KCNQ5: variants seen among roughly 807,000 people sequenced by gnomAD.
The protein encoded by KCNQ5 is potassium voltage-gated channel subfamily Q member 5, also known as potassium voltage-gated channel subfamily KQT member 5.
A neutral mutation model predicts 98.2 loss-of-function variants in KCNQ5; 30 were observed. That is an observed-to-expected ratio of 0.31 (90% CI 0.23 to 0.41). KCNQ5 has a LOEUF of 0.41. Among genes scored for constraint, KCNQ5 ranks in the 10% least tolerant of loss-of-function variants. KCNQ5 has a pLI of 1.00. For synonymous variants in KCNQ5, 458 were observed against 449.4 expected (o/e 1.02, Z -0.24); for missense variants, 835 against 1,182.5 (o/e 0.71, Z 4.31).
rs572484907 is a variant in KCNQ5 at position 73,021,964 on chromosome 6, A to T, written c.489+17966A>T. On this transcript the variant is annotated intron_variant, in intron 2 of 13. Transcript: ENST00000370398. ...TACCCTTCTGAGTCTGGGCTAATCA[A>T]TCATTTATGTTATTAAAGCAAATAT... Among the ~76,000 whole-genome samples the T allele has an allele frequency of 6.6e-5, 10 of 152,200 alleles. No homozygotes were observed. In the South Asian group the frequency reaches 2.1e-3, roughly 32 times the overall value.
chr6:73,071,040 A>T (rs1773280251), intron 3 of KCNQ5, among the ~76,000 whole-genome samples: 1 of 152,174 alleles, frequency 6.6e-6, no homozygotes, highest in African/African-American at 2.4e-5. Context: ...TAAAAATGAC[A>T]TGAAATCCAG....
chr6:72,984,254 A>T (rs1318980219), intron 1 of KCNQ5, among the ~76,000 whole-genome samples: 2 of 152,200 alleles, frequency 1.3e-5, no homozygotes, highest in African/African-American at 2.4e-5. Context: ...GCTGTCAGAC[A>T]GGGACGTTTA....
chr6:73,041,826 A>C (rs1227481137), intron 2 of KCNQ5, 110 bp from the exon 3 acceptor site: 1 of 1,199,604 alleles, frequency 8.3e-7, no homozygotes, highest in East Asian at 2.3e-5. Flanking sequence ...AGATATTAAC[A>C]ACTAGATCCT....
At chr6:72,778,852 G>C (rs1773304470) in intron 1 of KCNQ5, among the ~76,000 whole-genome samples, 1 of 152,162 alleles carries the variant, frequency 6.6e-6, no homozygotes, top group African/African-American at 2.4e-5. Context: ...AGTTCAAATA[G>C]TTTTCAAAAC....
intron 1 of KCNQ5, among the ~76,000 whole-genome samples, chr6:72,939,894 A>G (rs1766141452): frequency 6.6e-6 from 1 of 152,232 alleles, no homozygotes. Context: ...AAAAATGGGT[A>G]GAAAGATTAA....
At chr6:72,978,903 C>T (rs1004838810) in intron 1 of KCNQ5, among the ~76,000 whole-genome samples, 6 of 152,270 alleles carry the variant, frequency 3.9e-5, no homozygotes, top group Middle Eastern at 3.4e-3. Context: ...GTTCAGTTCC[C>T]GCCTGTGAGT....
intron 11 of KCNQ5, among the ~76,000 whole-genome samples, chr6:73,184,034 C>A (rs751165158): frequency 1.3e-5 from 2 of 152,184 alleles, no homozygotes; most frequent in Non-Finnish European, 2.9e-5. Context: ...TTCATTCAAC[C>A]AATATAATTC....
At chr6:72,701,643 C>T (rs771060825) in intron 1 of KCNQ5, among the ~76,000 whole-genome samples, 20 of 151,670 alleles carry the variant, frequency 1.3e-4, no homozygotes, top group Non-Finnish European at 2.4e-4. Context: ...GCAGTGGCAC[C>T]ATCATAACTC....
chr6:72,845,220 G>C (rs1776969484), intron 1 of KCNQ5, among the ~76,000 whole-genome samples: 1 of 152,094 alleles, frequency 6.6e-6, no homozygotes, highest in Admixed American at 6.6e-5. Flanking sequence ...ACAAATACTA[G>C]CAAAAAGAAT....
chr6:72,901,784 G>A (rs1779516085), intron 1 of KCNQ5, among the ~76,000 whole-genome samples: 1 of 152,104 alleles, frequency 6.6e-6, no homozygotes, highest in South Asian at 2.1e-4. Context: ...GTAATGTGAT[G>A]CCTCCAGATT....
chr6:73,054,409 C>T (rs1016395729), intron 3 of KCNQ5, among the ~76,000 whole-genome samples: 17 of 152,052 alleles, frequency 1.1e-4, no homozygotes, highest in Admixed American at 9.2e-4. Context: ...AACTTCAGGC[C>T]AAATCCTTGA....
At chr6:72,674,360 C>G (rs1217008961) in intron 1 of KCNQ5, among the ~76,000 whole-genome samples, 1 of 152,020 alleles carries the variant, frequency 6.6e-6, no homozygotes, top group Non-Finnish European at 1.5e-5. Flanking sequence ...ATATTGTGTA[C>G]AGTGCACATT....
chr6:72,853,433 TCCCAGCTTCAAG>T (rs149414976), intron 1 of KCNQ5, among the ~76,000 whole-genome samples: 506 of 152,104 alleles, frequency 3.3e-3, no homozygotes, highest in African/African-American at 0.012. Flanking sequence ...AACTGTCGCC[TCCCAGCTTCAAG>T]CAATTCTCCT....
intron 1 of KCNQ5, among the ~76,000 whole-genome samples, chr6:72,700,889 A>T (rs1466456120): frequency 6.6e-6 from 1 of 152,190 alleles, no homozygotes; most frequent in Non-Finnish European, 1.5e-5. Flanking sequence ...TTTCTGCCTT[A>T]ATTGACCAGA....
intron 10 of KCNQ5, among the ~76,000 whole-genome samples, chr6:73,154,500 C>G (rs1777275716): frequency 1.3e-5 from 2 of 152,222 alleles, no homozygotes; most frequent in South Asian, 4.2e-4. Context: ...AAAACTAAGT[C>G]TGGATTGCCT....
At chr6:72,944,991 T>A (rs1029746996) in intron 1 of KCNQ5, among the ~76,000 whole-genome samples, 5 of 152,150 alleles carry the variant, frequency 3.3e-5, no homozygotes, top group African/African-American at 1.2e-4. Flanking sequence ...CTTAAGTTAT[T>A]TTTCTCTTGC....
In KCNQ5 at chr6:73,080,404, TTGTTGATATTAAC is replaced by T. The variant is rs1370401990; in HGVS notation, c.918+2520_918+2532del. Among the ~76,000 whole-genome samples the T allele has an allele frequency of 1.3e-5, 2 of 152,180 alleles. 1 individual carries two copies. The highest frequency in any genetic ancestry group is 2.9e-5 in the Non-Finnish European group (2 of 68,028). ...AAGGCCTTATTGGTCCGTAGCAGGT[TTGTTGATATTAAC>T]TGACTCATTAATGAAATTGTCTGAA... is the stretch of plus-strand genomic sequence containing the variant. On this transcript the variant is annotated intron_variant, in intron 5 of 13. Coordinates refer to ENST00000370398, the MANE Select transcript of KCNQ5 (RefSeq NM_019842.4).
chr6:73,037,615 C>G (rs529244896), intron 2 of KCNQ5, among the ~76,000 whole-genome samples: 1 of 152,210 alleles, frequency 6.6e-6, no homozygotes, highest in South Asian at 2.1e-4. Flanking sequence ...GTTGAGGGCC[C>G]TTCTTCCTCC....
At chr6:72,886,745 A>G (rs1257908899) in intron 1 of KCNQ5, among the ~76,000 whole-genome samples, 1 of 152,200 alleles carries the variant, frequency 6.6e-6, no homozygotes, top group Non-Finnish European at 1.5e-5. Flanking sequence ...GGAATATAGA[A>G]GACTGAAATA....
Sources: allele counts gnomAD v4.1 joint callset (sites outside exome capture counted in the v4.1 genomes callset), GRCh38; gene constraint gnomAD v4.1.1; transcripts MANE v1.5; gene names NCBI Gene and HGNC (gene_info 2026-07-23, HGNC 2026-07-21).